DYRK1A: variants seen among roughly 807,000 people sequenced by gnomAD.
The protein encoded by DYRK1A is dual specificity tyrosine-phosphorylation-regulated kinase 1A.
A neutral mutation model predicts 79.7 loss-of-function variants in DYRK1A; 9 were observed. The observed-to-expected ratio is 0.11, with a 90% CI of 0.07 to 0.20. DYRK1A has a LOEUF of 0.20. DYRK1A is among the 10% of genes least tolerant of loss of function. The pLI, the probability that DYRK1A is intolerant of heterozygous loss-of-function variation, is 1.00. For missense variants in DYRK1A, 622 were observed against 956.0 expected (o/e 0.65, Z 4.61); for synonymous variants, 349 against 329.7 (o/e 1.06, Z -0.63).
chr21:37,416,018 C>A (rs2050331653), intron 1 of DYRK1A, among the ~76,000 whole-genome samples: 1 of 152,052 alleles, frequency 6.6e-6, no homozygotes. Flanking sequence ...ACAACTATTT[C>A]AGTGATTCTT....
chr21:37,440,130 C>CT (rs1164986221), intron 2 of DYRK1A, among the ~76,000 whole-genome samples: 1,698 of 37,654 alleles, frequency 0.045, 287 homozygotes, highest in African/African-American at 0.077. Flanking sequence ...TTGTTTGCTC[C>CT]TTTTTTTTTT....
At chr21:37,496,340 C>T in intron 9 of DYRK1A, 82 bp downstream of exon 9, 2 of 1,405,376 alleles carry the variant, frequency 1.4e-6, no homozygotes, top group South Asian at 2.8e-5. Flanking sequence ...TTTGCATTTA[C>T]TTGAAATCAG....
At chr21:37,473,014 CATGTT>C (rs1477855735) in intron 3 of DYRK1A, 134 bp downstream of exon 3, 7 of 661,282 alleles carry the variant, frequency 1.1e-5, no homozygotes, top group Non-Finnish European at 1.6e-5. Flanking sequence ...ATTGGGAAAA[CATGTT>C]AAGAAGTTTG....
intron 1 of DYRK1A, among the ~76,000 whole-genome samples, chr21:37,412,004 G>A (rs1284634046): frequency 1.3e-5 from 2 of 152,134 alleles, no homozygotes; most frequent in African/African-American, 4.8e-5. Flanking sequence ...ACGAGATCTA[G>A]TGGTACTTTT....
At chr21:37,509,096 T>C (rs1387267152) in intron 11 of DYRK1A, among the ~76,000 whole-genome samples, 3 of 152,254 alleles carry the variant, frequency 2.0e-5, no homozygotes, top group Non-Finnish European at 4.4e-5. Context: ...TAAGTAAATA[T>C]AAAAGGGAAT....
intron 5 of DYRK1A, 138 bp from the exon 6 acceptor site, chr21:37,486,329 C>G (rs1044749859): frequency 5.3e-6 from 3 of 566,772 alleles, no homozygotes; most frequent in Non-Finnish European, 5.6e-6. Flanking sequence ...GGCATCTCTT[C>G]TACTTAGGAA....
rs572479684 is a variant in DYRK1A at position 37,476,826 on chromosome 21, C to CG, written c.208-1382_208-1381insG. The stretch of plus-strand genomic sequence containing the variant: ...GTATAATCACCAAGGGTTCCCCCCC[C>CG]CCCCAACCTTATTTGGAATTAAGAA... On this transcript the variant is annotated intron_variant, in intron 3 of 11. Coordinates refer to ENST00000647188, the MANE Select transcript of DYRK1A (RefSeq NM_001347721.2). 3.5e-5 allele frequency among the ~76,000 whole-genome samples: 5 copies of CG among 142,200 alleles called. 1 individual carries two copies. The highest frequency in any genetic ancestry group is 1.5e-4 in the African/African-American group (5 of 34,406). The allele number at this position is 142,200 out of a possible 152,430, so 93.3% of individuals were successfully genotyped here.
intron 2 of DYRK1A, among the ~76,000 whole-genome samples, chr21:37,447,659 G>GTACTCACGGCATTA (rs1333489760): frequency 6.6e-6 from 1 of 152,136 alleles, no homozygotes; most frequent in East Asian, 1.9e-4. Flanking sequence ...AGCAAGCATT[G>GTACTCACGGCATTA]TACTCACGGC....
intron 1 of DYRK1A, among the ~76,000 whole-genome samples, chr21:37,391,688 A>G (rs577757643): frequency 6.6e-6 from 1 of 151,900 alleles, no homozygotes; most frequent in African/African-American, 2.4e-5. Context: ...AATGAAGACA[A>G]ATTTATTAAA....
At chr21:37,419,260 T>TA (rs2050417318) in intron 1 of DYRK1A, 1 of 152,128 alleles carries the variant, frequency 6.6e-6, no homozygotes, top group Non-Finnish European at 1.5e-5. Context: ...AATTTAGGAG[T>TA]GTAAAACAAC....
intron 1 of DYRK1A, chr21:37,375,177 C>G (rs952815251): frequency 2.0e-5 from 3 of 151,886 alleles, no homozygotes; most frequent in African/African-American, 4.8e-5. Context: ...CCCAGTTGTC[C>G]TTTTTGCCCT....
chr21:37,385,417 G>A (rs984527330), intron 1 of DYRK1A, among the ~76,000 whole-genome samples: 1 of 152,140 alleles, frequency 6.6e-6, no homozygotes, highest in South Asian at 2.1e-4. Flanking sequence ...TTTGTACGCT[G>A]TCAATCAGCA....
intron 2 of DYRK1A, among the ~76,000 whole-genome samples, chr21:37,440,259 C>T (rs2051062097): frequency 6.7e-6 from 1 of 150,250 alleles, no homozygotes; most frequent in African/African-American, 2.4e-5. Flanking sequence ...CCTCAGCCTC[C>T]TGAGTAGCTG....
intron 5 of DYRK1A, 199 bp from the exon 6 acceptor site, chr21:37,486,268 T>G (rs373150977): frequency 3.6e-5 from 13 of 361,810 alleles, no homozygotes; most frequent in East Asian, 3.4e-4. Context: ...TTTAAAAGAT[T>G]GATTTAAAGT....
At chr21:37,402,545 C>G (rs8126815) in intron 1 of DYRK1A, among the ~76,000 whole-genome samples, 143,578 of 152,300 alleles carry the variant, frequency 0.94, 67,744 homozygotes, top group East Asian at 0.99. Context: ...TATTTCTCTG[C>G]TTTAAGCTGT....
chr21:37,500,933 T>C (rs1393834731), intron 9 of DYRK1A, among the ~76,000 whole-genome samples: 1 of 150,950 alleles, frequency 6.6e-6, no homozygotes, highest in African/African-American at 2.4e-5. Context: ...TGATTTCTTT[T>C]TTTTTTCTTT....
intron 1 of DYRK1A, among the ~76,000 whole-genome samples, chr21:37,383,975 CAG>C (rs906176517): frequency 6.6e-6 from 1 of 152,092 alleles, no homozygotes; most frequent in African/African-American, 2.4e-5. Context: ...GGACAAAACA[CAG>C]GGAAGAACTG....
intron 2 of DYRK1A, among the ~76,000 whole-genome samples, chr21:37,438,984 C>G (rs1165335578): frequency 6.6e-6 from 1 of 152,108 alleles, no homozygotes; most frequent in Non-Finnish European, 1.5e-5. Context: ...TCTCATTTTT[C>G]TAATTTTCAG....
intron 7 of DYRK1A, among the ~76,000 whole-genome samples, 159 bp from the exon 8 acceptor site, chr21:37,492,854 GTTCT>G (rs956386823): frequency 6.6e-6 from 1 of 152,076 alleles, no homozygotes; most frequent in African/African-American, 2.4e-5. Context: ...AAAATGTTTA[GTTCT>G]TTAAGCCGTA....
Sources: gnomAD v4.1 joint callset for allele counts (sites outside exome capture counted in the v4.1 genomes callset) on GRCh38, gnomAD v4.1.1 for gene constraint, MANE v1.5 for transcripts, NCBI Gene and HGNC (gene_info 2026-07-23, HGNC 2026-07-21) for gene names.